The following BACH2 variants were observed in gnomAD, a reference collection of about 807,000 sequenced individuals.
BACH2 encodes transcription regulator protein BACH2.
In BACH2, 5 loss-of-function variants were observed where a neutral mutation model predicts 61.8. The ratio of observed to expected loss-of-function variants is 0.08; its 90% CI spans 0.04 to 0.17. BACH2 has a LOEUF of 0.17. Ranked by LOEUF, BACH2 falls within the 10% of genes least tolerant of loss-of-function variation. BACH2 has a pLI of 1.00. For missense variants in BACH2, 824 were observed against 1,091.1 expected, an observed-to-expected ratio of 0.76 and a Z score of 3.45; for synonymous variants, 446 against 440.1, an observed-to-expected ratio of 1.01 and a Z score of -0.17.
intron 6 of BACH2, among the ~76,000 whole-genome samples, chr6:89,953,733 C>T (rs1374244898): frequency 6.6e-6 from 1 of 152,190 alleles, no homozygotes; most frequent in Admixed American, 6.5e-5. Context: ...TAACATACTA[C>T]TACTGTGTAT....
At chr6:90,047,142 G>A (rs148442054) in intron 5 of BACH2, among the ~76,000 whole-genome samples, 3 of 152,266 alleles carry the variant, frequency 2.0e-5, no homozygotes, top group East Asian at 3.9e-4. Context: ...GGCTGGTCTC[G>A]AACTCCTGAC....
intron 1 of BACH2, among the ~76,000 whole-genome samples, chr6:90,281,650 T>C (rs1771862101): frequency 6.6e-6 from 1 of 152,232 alleles, no homozygotes; most frequent in Admixed American, 6.5e-5. Flanking sequence ...GAACTTTACA[T>C]GAATAGAATC....
chr6:90,277,384 GAC>G (rs1405748654), intron 1 of BACH2, among the ~76,000 whole-genome samples: 1 of 152,186 alleles, frequency 6.6e-6, no homozygotes, highest in Non-Finnish European at 1.5e-5. Context: ...AAAGAAGTTA[GAC>G]ACAAAATAGT....
At chr6:90,224,610 T>C (rs1017550063) in intron 3 of BACH2, among the ~76,000 whole-genome samples, 2 of 152,078 alleles carry the variant, frequency 1.3e-5, no homozygotes, top group Non-Finnish European at 2.9e-5. Flanking sequence ...ATTTGGTAGG[T>C]AGCACATTTG....
At chr6:90,211,786 A>T (rs996377082) in intron 3 of BACH2, among the ~76,000 whole-genome samples, 10 of 151,972 alleles carry the variant, frequency 6.6e-5, no homozygotes, top group Non-Finnish European at 1.3e-4. Flanking sequence ...TAGCTCAGGC[A>T]CTCCTGTGGG....
Position 89,930,479 on chromosome 6 carries a change from C to A in BACH2, c.*1929G>T, listed in dbSNP as rs1481183678. The A allele has an allele frequency of 6.5e-6, 1 of 152,780 alleles. No homozygotes were observed. Among genetic ancestry groups the A allele is most frequent in the Non-Finnish European group, 1.5e-5 (1 of 68,054 alleles). 9.5% of individuals were successfully genotyped at this position (152,780 alleles called of 1,614,324 possible). A position where few individuals can be genotyped will look rare whatever the true frequency, so the allele number is the denominator to read the frequency against. ...TCAACCATCTATTCCCCACTGCCCA[C>A]CACCCCATCCCCACATCAAACCGTT... On this transcript the variant is annotated 3_prime_UTR_variant, in exon 9 of 9. Transcript: ENST00000257749.
At chr6:90,233,771 C>T (rs939890723) in intron 3 of BACH2, among the ~76,000 whole-genome samples, 2 of 152,122 alleles carry the variant, frequency 1.3e-5, no homozygotes, top group Non-Finnish European at 2.9e-5. Flanking sequence ...TCTCCTGACC[C>T]CATCCACAGG....
chr6:90,092,548 T>C (rs7752779), intron 4 of BACH2, among the ~76,000 whole-genome samples: 48,573 of 151,528 alleles, frequency 0.32, 8,322 homozygotes, highest in East Asian at 0.67. Flanking sequence ...CTACTACCTC[T>C]CACAGGTTCT....
chr6:90,057,356 T>C (rs1780418976), intron 5 of BACH2, among the ~76,000 whole-genome samples: 1 of 152,018 alleles, frequency 6.6e-6, no homozygotes, highest in South Asian at 2.1e-4. Context: ...TCTACGCAAA[T>C]AAACTAGAAA....
rs1783613209 is a variant in BACH2, at chr6:90,121,304, T to C, written c.-161-32195A>G. ...TTCACTGTTTAATTGATTTTTCAAC[T>C]AATGAGAAAACACCCAGTCAGGTTA... On this transcript the variant is annotated intron_variant, in intron 4 of 8. Coordinates refer to ENST00000257749, the MANE Select transcript of BACH2 (RefSeq NM_021813.4). Among the ~76,000 whole-genome samples, 3 of 152,208 alleles carry C rather than the reference T, an allele frequency of 2.0e-5. No individual in the cohort carries two copies. In the South Asian group the frequency reaches 6.2e-4, roughly 31 times the overall value.
chr6:90,063,006 G>C, intron 5 of BACH2: 4 of 840,492 alleles, frequency 4.8e-6, no homozygotes, highest in Non-Finnish European at 5.7e-6. Context: ...GATGTATAGG[G>C]AAAAGAGTTT....
intron 4 of BACH2, among the ~76,000 whole-genome samples, chr6:90,112,114 T>C (rs1783198275): frequency 6.6e-6 from 1 of 152,218 alleles, no homozygotes; most frequent in East Asian, 1.9e-4. Flanking sequence ...TTTCTGCAGA[T>C]CAAACAAGAT....
chr6:90,123,717 C>A (rs1783730211), intron 4 of BACH2, among the ~76,000 whole-genome samples: 2 of 139,198 alleles, frequency 1.4e-5, no homozygotes, highest in Admixed American at 1.5e-4. Flanking sequence ...TTGCAGTGAG[C>A]CGAGATCCCG....
intron 3 of BACH2, among the ~76,000 whole-genome samples, chr6:90,241,938 T>C (rs1770469982): frequency 6.6e-6 from 1 of 151,784 alleles, no homozygotes; most frequent in African/African-American, 2.4e-5. Flanking sequence ...TGATTTTCTT[T>C]TTTTTTTTTT....
At chr6:90,216,908 T>C (rs1345303845) in intron 3 of BACH2, among the ~76,000 whole-genome samples, 2 of 152,130 alleles carry the variant, frequency 1.3e-5, no homozygotes, top group Non-Finnish European at 1.5e-5. Flanking sequence ...TAATAAAGTA[T>C]TACTGGTCCA....
intron 4 of BACH2, among the ~76,000 whole-genome samples, chr6:90,118,544 C>T (rs191663596): frequency 2.3e-4 from 35 of 152,288 alleles, no homozygotes; most frequent in African/African-American, 7.7e-4. Flanking sequence ...TCTATATGTA[C>T]CTCTTGTTAA....
chr6:89,954,709 G>A, intron 6 of BACH2, among the ~76,000 whole-genome samples: 1 of 151,932 alleles, frequency 6.6e-6, no homozygotes, highest in East Asian at 1.9e-4. Flanking sequence ...TCAGGGACGA[G>A]CTGATGCTTA....
intron 4 of BACH2, among the ~76,000 whole-genome samples, chr6:90,150,885 C>T (rs1385406132): frequency 6.6e-6 from 1 of 152,204 alleles, no homozygotes; most frequent in African/African-American, 2.4e-5. Flanking sequence ...GTCAGTCAGT[C>T]AGCGGTGTTG....
At chr6:90,115,703 C>A (rs538442973) in intron 4 of BACH2, among the ~76,000 whole-genome samples, 3 of 151,918 alleles carry the variant, frequency 2.0e-5, no homozygotes, top group South Asian at 4.2e-4. Context: ...TTCTGCACAG[C>A]AAAATAAATT....
Sources: gnomAD v4.1 joint callset for allele counts (sites outside exome capture counted in the v4.1 genomes callset) on GRCh38, gnomAD v4.1.1 for gene constraint, MANE v1.5 for transcripts, NCBI Gene and HGNC (gene_info 2026-07-23, HGNC 2026-07-21) for gene names.